The following FLRT2 variants were observed in gnomAD, a reference collection of about 807,000 sequenced individuals.
The protein encoded by FLRT2 is leucine-rich repeat transmembrane protein FLRT2.
Under a neutral mutation model 40.0 loss-of-function variants are expected in FLRT2, and 15 were observed. The observed-to-expected ratio is 0.38, with a 90% confidence interval of 0.25 to 0.58. FLRT2 has a LOEUF of 0.58. Among genes scored for constraint, FLRT2 ranks in the 20% least tolerant of loss-of-function variants. FLRT2 has a pLI of 0.71. For synonymous variants in FLRT2, 380 were observed against 336.8 expected (o/e 1.13, Z -1.41); for missense variants, 726 against 840.0 (o/e 0.86, Z 1.68).
rs551301914 is a variant in FLRT2 at position 85,608,747 on chromosome 14, C to A, written c.-376-12392C>A. On this transcript the variant is annotated intron_variant, in intron 1 of 1. Coordinates refer to ENST00000330753, the MANE Select transcript of FLRT2 (RefSeq NM_013231.6). Reference sequence around the variant, plus strand: ...CTATTTATTCAGGAAGTATGCACGACCCTTCTCTTCTTGGAGGCAGGTCTG... The same window carrying A: ...CTATTTATTCAGGAAGTATGCACGAACCTTCTCTTCTTGGAGGCAGGTCTG... Among the ~76,000 whole-genome samples, 50 of 152,310 alleles carry A rather than the reference C, an allele frequency of 3.3e-4. 1 individual carries two copies. In the South Asian group the frequency reaches 9.9e-3, roughly 30 times the overall value.
At chr14:85,559,675 TTTAATATGA>T (rs1176370223) in intron 1 of FLRT2, among the ~76,000 whole-genome samples, 1 of 152,050 alleles carries the variant, frequency 6.6e-6, no homozygotes, top group Admixed American at 6.6e-5. Flanking sequence ...AGCAGGTCAG[TTTAATATGA>T]TCATTATTTT....
At position 85,635,114 on chromosome 14, in the gene FLRT2, C is replaced by T. The variant is rs1893971041; in HGVS notation, c.*11617C>T. 1 of 152,076 alleles carries T rather than the reference C, an allele frequency of 6.6e-6. No individual in the cohort carries two copies. The highest frequency in any genetic ancestry group is 2.1e-4 in the South Asian group (1 of 4,826). 9.4% of individuals were successfully genotyped at this position (152,076 alleles called of 1,614,324 possible). On this transcript the variant is annotated 3_prime_UTR_variant, in exon 2 of 2. Coordinates refer to ENST00000330753, the MANE Select transcript of FLRT2 (RefSeq NM_013231.6). ...TCTCATTAGTTATAATAACCTTAAA[C>T]TTGATATGTTAGGGAAGCAACCTGC...
At chr14:85,611,665 T>A (rs147620407) in intron 1 of FLRT2, among the ~76,000 whole-genome samples, 312 of 151,988 alleles carry the variant, frequency 2.1e-3, no homozygotes, top group African/African-American at 7.3e-3. Context: ...AGCTTGGGAG[T>A]GTAGCTAAGG....
intron 1 of FLRT2, among the ~76,000 whole-genome samples, chr14:85,533,735 G>A (rs991089738): frequency 1.3e-5 from 2 of 152,054 alleles, no homozygotes; most frequent in African/African-American, 4.8e-5. Flanking sequence ...AGCTCCGTAG[G>A]GGACGTAGGC....
intron 1 of FLRT2, among the ~76,000 whole-genome samples, chr14:85,570,349 G>T (rs912627758): frequency 6.6e-6 from 1 of 152,138 alleles, no homozygotes; most frequent in African/African-American, 2.4e-5. Flanking sequence ...TTAGGAATTA[G>T]AATTCATAGT....
chr14:85,535,306 G>T (rs2139799017), intron 1 of FLRT2, among the ~76,000 whole-genome samples: 1 of 150,656 alleles, frequency 6.6e-6, no homozygotes, highest in African/African-American at 2.4e-5. Context: ...ATTATCTGTA[G>T]ACTTAACCGG....
chr14:85,642,953 G>A lies in FLRT2; in HGVS notation c.*19456G>A, dbSNP rs972840504. The A allele has an allele frequency of 2.0e-5, 3 of 152,302 alleles. No homozygotes were observed. The highest frequency in any genetic ancestry group is 1.3e-4 in the Admixed American group (2 of 15,300). 9.4% of individuals were successfully genotyped at this position (152,302 alleles called of 1,614,324 possible). ...ACATTTATTACTTCCAATTCTTGAG[G>A]CTGTGAAGCCCAAGATCAAGTTGCC... is the stretch of plus-strand genomic sequence containing the variant. On this transcript the variant is annotated 3_prime_UTR_variant, in exon 2 of 2. Coordinates refer to ENST00000330753, the MANE Select transcript of FLRT2 (RefSeq NM_013231.6).
rs189906698 is a variant in FLRT2 at position 85,557,528 on chromosome 14, C to T, written c.-377+26994C>T. 2.2e-3 allele frequency among the ~76,000 whole-genome samples: 335 copies of T among 152,216 alleles called. 2 individuals are homozygous for T. Among genetic ancestry groups the T allele is most frequent in the African/African-American group, 7.3e-3 (305 of 41,552 alleles). The stretch of plus-strand genomic sequence containing the variant: ...CAGATAGAGTATAAAAACAAAAGCA[C>T]GGCAAGGCGCGGTGGCTCACGCCTG... On this transcript the variant is annotated intron_variant, in intron 1 of 1. Transcript: ENST00000330753.
intron 1 of FLRT2, among the ~76,000 whole-genome samples, chr14:85,572,373 T>A (rs1410141170): frequency 6.6e-6 from 1 of 152,204 alleles, no homozygotes; most frequent in Non-Finnish European, 1.5e-5. Flanking sequence ...TACTTTTATG[T>A]TCTTTTGTAG....
At position 85,651,928 on chromosome 14, in the gene FLRT2, C is replaced by T. The variant is rs1160957529; in HGVS notation, c.*28431C>T. The T allele has an allele frequency of 2.0e-5, 3 of 152,064 alleles. No homozygotes were observed. The highest frequency in any genetic ancestry group is 2.0e-4 in the Admixed American group (3 of 15,248). The allele number at this position is 152,064 out of a possible 1,614,324, so 9.4% of individuals were successfully genotyped here. On this transcript the variant is annotated 3_prime_UTR_variant, in exon 2 of 2. Coordinates refer to ENST00000330753, the MANE Select transcript of FLRT2 (RefSeq NM_013231.6). ...TCAAACATATTATTGGTCATCATCA[C>T]CTGCCTATTAAATATGCTTTCCCAC... is the stretch of plus-strand genomic sequence containing the variant.
rs934460053 is a variant in FLRT2, at chr14:85,638,183, A to C, written c.*14686A>C. 2.0e-5 allele frequency: 3 copies of C among 152,170 alleles called. No homozygotes were observed. The highest frequency in any genetic ancestry group is 7.2e-5 in the African/African-American group (3 of 41,422). The allele number at this position is 152,170 out of a possible 1,614,324, so 9.4% of individuals were successfully genotyped here. On this transcript the variant is annotated 3_prime_UTR_variant, in exon 2 of 2. Transcript: ENST00000330753. ...AGAGTTTGGAGCACGGGCCATTGCGATGGACAGACGCCACCGCAGAGAGCA... is the reference window on the plus strand; with the variant it reads ...AGAGTTTGGAGCACGGGCCATTGCGCTGGACAGACGCCACCGCAGAGAGCA...
chr14:85,585,838 A>C (rs1891590925), intron 1 of FLRT2, among the ~76,000 whole-genome samples: 1 of 152,074 alleles, frequency 6.6e-6, no homozygotes, highest in South Asian at 2.1e-4. Flanking sequence ...GGAACCAAAG[A>C]TGAGCAGCTG....
intron 1 of FLRT2, among the ~76,000 whole-genome samples, chr14:85,577,923 C>T (rs1181529176): frequency 6.6e-6 from 1 of 151,466 alleles, no homozygotes; most frequent in African/African-American, 2.4e-5. Flanking sequence ...ATAGGACTTG[C>T]GCGAGAAGGT....
At chr14:85,542,992 C>A (rs180801254) in intron 1 of FLRT2, among the ~76,000 whole-genome samples, 2 of 152,144 alleles carry the variant, frequency 1.3e-5, no homozygotes, top group African/African-American at 4.8e-5. Context: ...CTGAATTAAC[C>A]GAAGGAGCTG....
intron 1 of FLRT2, among the ~76,000 whole-genome samples, chr14:85,615,571 C>A (rs1893087355): frequency 6.6e-6 from 1 of 152,086 alleles, no homozygotes; most frequent in South Asian, 2.1e-4. Context: ...TGATCAACTT[C>A]CGGGGGCTTG....
chr14:85,600,618 G>T (rs1310573539), intron 1 of FLRT2, among the ~76,000 whole-genome samples: 2 of 152,142 alleles, frequency 1.3e-5, no homozygotes, highest in African/African-American at 4.8e-5. Flanking sequence ...AATTGAAAGA[G>T]ACCATTAGAT....
rs1174850214 is a variant in FLRT2, at chr14:85,637,137, T to G, written c.*13640T>G. On this transcript the variant is annotated 3_prime_UTR_variant, in exon 2 of 2. Coordinates refer to ENST00000330753, the MANE Select transcript of FLRT2 (RefSeq NM_013231.6). ...TTACACATACAAATCTTTTCTGGCA[T>G]GGGTACAAATGTAACTAATCAAGTG... 6.6e-6 allele frequency: 1 copy of G among 152,126 alleles called. No individual in the cohort carries two copies. The highest frequency in any genetic ancestry group is 1.5e-5 in the Non-Finnish European group (1 of 68,028). The allele number at this position is 152,126 out of a possible 1,614,324, so 9.4% of individuals were successfully genotyped here. A position where few individuals can be genotyped will look rare whatever the true frequency, so the allele number is the denominator to read the frequency against.
In FLRT2 at chr14:85,646,278, A is replaced by C. The variant is rs1203666443; in HGVS notation, c.*22781A>C. 1 of 152,226 alleles carries C rather than the reference A, an allele frequency of 6.6e-6. No homozygotes were observed. The highest frequency in any genetic ancestry group is 1.5e-5 in the Non-Finnish European group (1 of 68,036). 9.4% of individuals were successfully genotyped at this position (152,226 alleles called of 1,614,324 possible). A position where few individuals can be genotyped will look rare whatever the true frequency, so the allele number is the denominator to read the frequency against. On this transcript the variant is annotated 3_prime_UTR_variant, in exon 2 of 2. Coordinates refer to ENST00000330753, the MANE Select transcript of FLRT2 (RefSeq NM_013231.6). ...GTAATTGGAAGTTGAGGACACTGTC[A>C]TTCAGAATAAGATGTATGATCTGAA...
chr14:85,558,200 G>A (rs920248849), intron 1 of FLRT2, among the ~76,000 whole-genome samples: 3 of 152,040 alleles, frequency 2.0e-5, no homozygotes, highest in African/African-American at 7.3e-5. Context: ...TTTCATTTGG[G>A]TTTATGCCCT....
Sources: allele counts gnomAD v4.1 joint callset (sites outside exome capture counted in the v4.1 genomes callset), GRCh38; gene constraint gnomAD v4.1.1; transcripts MANE v1.5; gene names NCBI Gene and HGNC (gene_info 2026-07-23, HGNC 2026-07-21).